FCHSD2: variants seen among roughly 807,000 people sequenced by gnomAD.
FCHSD2 encodes FCH and double SH3 domains 2, also known as F-BAR and double SH3 domains protein 2.
A neutral mutation model predicts 108.1 loss-of-function variants in FCHSD2; 38 were observed. The ratio of observed to expected loss-of-function variants is 0.35; its 90% CI spans 0.27 to 0.46. The LOEUF (loss-of-function observed/expected upper bound fraction) is 0.46, where lower values mean the gene tolerates loss of function less well. Among genes scored for constraint, FCHSD2 ranks in the 20% least tolerant of loss-of-function variants. The probability of loss-of-function intolerance (pLI) is 1.00; values close to 1 mark genes in which losing one functional copy is unlikely to be tolerated. For synonymous variants in FCHSD2, 279 were observed against 314.7 expected, an observed-to-expected ratio of 0.89 and a Z score of 1.20; for missense variants, 751 against 897.8, an observed-to-expected ratio of 0.84 and a Z score of 2.09.
chr11:72,844,429 T>A (rs1158195570), intron 14 of FCHSD2, among the ~76,000 whole-genome samples: 1 of 152,226 alleles, frequency 6.6e-6, no homozygotes, highest in Non-Finnish European at 1.5e-5. Context: ...GTGTGGAGAC[T>A]GAGCTGATCC....
chr11:73,096,309 G>A (rs1385988564), intron 2 of FCHSD2, among the ~76,000 whole-genome samples: 2 of 147,408 alleles, frequency 1.4e-5, no homozygotes, highest in East Asian at 3.9e-4. Flanking sequence ...GGGAGGCCAA[G>A]GCAGGTGGAT....
chr11:72,872,830 T>C (rs1269494912), intron 12 of FCHSD2, among the ~76,000 whole-genome samples: 3 of 152,220 alleles, frequency 2.0e-5, no homozygotes, highest in African/African-American at 7.2e-5. Context: ...TGCTGGATCA[T>C]GAAGTAATGC....
At chr11:73,115,902 T>C (rs780294984) in intron 2 of FCHSD2, among the ~76,000 whole-genome samples, 40 of 152,226 alleles carry the variant, frequency 2.6e-4, no homozygotes, top group Non-Finnish European at 4.9e-4. Context: ...AATGCCTTCA[T>C]GGCAACATGT....
intron 3 of FCHSD2, among the ~76,000 whole-genome samples, chr11:73,055,863 G>A (rs761698443): frequency 3.9e-5 from 6 of 152,134 alleles, no homozygotes; most frequent in Non-Finnish European, 7.4e-5. Context: ...GCTGTGGGAG[G>A]AGACAAAGGG....
intron 3 of FCHSD2, among the ~76,000 whole-genome samples, chr11:73,060,081 T>C (rs1859124969): frequency 6.6e-6 from 1 of 152,234 alleles, no homozygotes; most frequent in South Asian, 2.1e-4. Context: ...CTATCAGAGA[T>C]GACTAACACC....
At chr11:73,085,397 AAG>A (rs973909614) in intron 2 of FCHSD2, among the ~76,000 whole-genome samples, 1 of 152,130 alleles carries the variant, frequency 6.6e-6, no homozygotes, top group Non-Finnish European at 1.5e-5. Context: ...AGTCAACTGA[AAG>A]AGAGGGGATG....
At chr11:73,131,546 C>T (rs953186082) in intron 2 of FCHSD2, among the ~76,000 whole-genome samples, 3 of 150,252 alleles carry the variant, frequency 2.0e-5, no homozygotes, top group Non-Finnish European at 3.0e-5. Context: ...ATAAAAATTA[C>T]TACAAAAATT....
chr11:72,888,521 T>C lies in FCHSD2; in HGVS notation c.1042-947A>G, dbSNP rs1358916422. On this transcript the variant is annotated intron_variant, in intron 11 of 19. Coordinates refer to ENST00000409418, the MANE Select transcript of FCHSD2 (RefSeq NM_014824.3). ...GTGAAGGCAAAGAATGAGACGGATA[T>C]AGGTATCAATAAATGAAACAGAAAA... Among the ~76,000 whole-genome samples, 3 of 152,300 alleles carry C rather than the reference T, an allele frequency of 2.0e-5. 1 individual carries two copies. The highest frequency in any genetic ancestry group is 4.1e-4 in the South Asian group (2 of 4,826).
intron 2 of FCHSD2, among the ~76,000 whole-genome samples, chr11:73,105,005 A>G (rs1038158473): frequency 2.4e-4 from 36 of 152,350 alleles, no homozygotes; most frequent in African/African-American, 8.4e-4. Flanking sequence ...TGTAAAAACA[A>G]TAATAATCCC....
intron 3 of FCHSD2, among the ~76,000 whole-genome samples, chr11:73,034,491 G>A (rs1490123437): frequency 2.6e-5 from 4 of 152,098 alleles, no homozygotes; most frequent in South Asian, 2.1e-4. Flanking sequence ...GTTAAAATTC[G>A]GTACCAGAGG....
At chr11:72,976,995 G>T (rs754078710) in intron 8 of FCHSD2, among the ~76,000 whole-genome samples, 1 of 150,880 alleles carries the variant, frequency 6.6e-6, no homozygotes, top group Admixed American at 6.6e-5. Context: ...GCATGATCTC[G>T]GCACACTGTG....
intron 9 of FCHSD2, among the ~76,000 whole-genome samples, chr11:72,916,149 C>G (rs1453800942): frequency 6.6e-6 from 1 of 151,990 alleles, no homozygotes; most frequent in African/African-American, 2.4e-5. Context: ...TAATGTGTAC[C>G]AAACCCTCCA....
At chr11:73,141,754 G>A (rs1591589996) in intron 1 of FCHSD2, 103 bp downstream of exon 1, 2 of 1,288,772 alleles carry the variant, frequency 1.6e-6, no homozygotes, top group East Asian at 2.7e-5. Flanking sequence ...GACGAGGGCG[G>A]TCACGGCCCC....
chr11:72,853,814 G>C (rs1283272978), intron 13 of FCHSD2, among the ~76,000 whole-genome samples: 1 of 152,162 alleles, frequency 6.6e-6, no homozygotes, highest in East Asian at 1.9e-4. Context: ...GTATTTGCAA[G>C]TTATGTATCT....
At chr11:72,907,094 T>C (rs1855645550) in intron 9 of FCHSD2, among the ~76,000 whole-genome samples, 1 of 152,174 alleles carries the variant, frequency 6.6e-6, no homozygotes, top group South Asian at 2.1e-4. Context: ...AGGTATTTTA[T>C]TCACTTTGTA....
chr11:72,993,798 A>G (rs1309703039), intron 5 of FCHSD2, among the ~76,000 whole-genome samples: 2 of 151,156 alleles, frequency 1.3e-5, no homozygotes, highest in South Asian at 2.1e-4. Context: ...TTGGAGATAT[A>G]CCTAATGTTA....
intron 3 of FCHSD2, among the ~76,000 whole-genome samples, chr11:73,033,473 C>T (rs1379915112): frequency 1.3e-5 from 2 of 151,996 alleles, no homozygotes; most frequent in Admixed American, 6.6e-5. Flanking sequence ...AAGGTCTCCG[C>T]TTATAAACAT....
At chr11:73,044,995 G>A (rs1252508462) in intron 3 of FCHSD2, among the ~76,000 whole-genome samples, 5 of 151,694 alleles carry the variant, frequency 3.3e-5, no homozygotes, top group Non-Finnish European at 7.4e-5. Context: ...ACTTGAACCT[G>A]GGAGGCGGAG....
intron 2 of FCHSD2, among the ~76,000 whole-genome samples, chr11:73,095,044 C>T (rs1860043966): frequency 6.6e-6 from 1 of 151,962 alleles, no homozygotes; most frequent in Admixed American, 6.6e-5. Flanking sequence ...AAACACAGAC[C>T]CTGCTCTCAA....
Sources: gnomAD v4.1 joint callset for allele counts (sites outside exome capture counted in the v4.1 genomes callset) on GRCh38, gnomAD v4.1.1 for gene constraint, MANE v1.5 for transcripts, NCBI Gene and HGNC (gene_info 2026-07-23, HGNC 2026-07-21) for gene names.